The following MTPAP variants were observed in gnomAD, a reference collection of about 807,000 sequenced individuals.
MTPAP encodes the protein mitochondrial poly(A) polymerase.
MTPAP carries 23 observed loss-of-function variants against 48.7 expected under a neutral mutation model. That is an observed-to-expected ratio of 0.47 (90% CI 0.34 to 0.67). The LOEUF (loss-of-function observed/expected upper bound fraction) is 0.67, where lower values mean the gene tolerates loss of function less well. Among genes scored for constraint, MTPAP ranks in the 30% least tolerant of loss-of-function variants. The pLI is 0.01. For missense variants in MTPAP, 614 were observed against 694.3 expected (o/e 0.88, Z 1.30); for synonymous variants, 257 against 254.1 (o/e 1.01, Z -0.11).
At chr10:30,324,782 A>G (rs959333106) in intron 5 of MTPAP, among the ~76,000 whole-genome samples, 1 of 152,110 alleles carries the variant, frequency 6.6e-6, no homozygotes, top group African/African-American at 2.4e-5. Context: ...TGGGCAGATC[A>G]CCTGAGGTCC....
intron 1 of MTPAP, among the ~76,000 whole-genome samples, chr10:30,344,152 A>G (rs1245225341): frequency 6.6e-6 from 1 of 152,168 alleles, no homozygotes; most frequent in Admixed American, 6.5e-5. Context: ...GCATGGGTAT[A>G]AAGTGCTTGC....
At chr10:30,314,871 C>CAA (rs1428659923) in intron 8 of MTPAP, among the ~76,000 whole-genome samples, 1 of 52,886 alleles carries the variant, frequency 1.9e-5, no homozygotes, top group Non-Finnish European at 3.4e-5. Flanking sequence ...GACTCTGTCT[C>CAA]AAAAAACAAA....
At chr10:30,333,399 G>A (rs1339178904) in intron 4 of MTPAP, among the ~76,000 whole-genome samples, 2 of 152,178 alleles carry the variant, frequency 1.3e-5, no homozygotes, top group African/African-American at 2.4e-5. Flanking sequence ...TTGAGGCAGA[G>A]AGAAGGTAAA....
intron 5 of MTPAP, among the ~76,000 whole-genome samples, chr10:30,323,277 C>G (rs1267086767): frequency 6.7e-6 from 1 of 150,312 alleles, no homozygotes; most frequent in African/African-American, 2.4e-5. Flanking sequence ...CATGGTGAAA[C>G]CCTGTCTTAA....
chr10:30,313,433 A>C lies in MTPAP; in HGVS notation c.*176T>G. 1 of 857,002 alleles carries C rather than the reference A, an allele frequency of 1.2e-6. No homozygotes were observed. The highest frequency in any genetic ancestry group is 1.6e-5 in the South Asian group (1 of 63,314). The allele number at this position is 857,002 out of a possible 1,614,324, so 53.1% of individuals were successfully genotyped here. On this transcript the variant is annotated 3_prime_UTR_variant, in exon 9 of 9. Transcript: ENST00000263063. ...TAAAGTGCCACTGAGTATCAGACTG[A>C]TCAAACTGAAAACATCCCAGAACTT...
Position 30,322,525 on chromosome 10 carries a change from C to T in MTPAP, c.1085G>A (p.Arg362Gln), listed in dbSNP as rs781062431. The change falls in exon 6 of 9, where the codon CGA (arginine) becomes CAA (glutamine). Residue 362 changes from arginine (R) to glutamine (Q), a missense_variant. Physicochemically the swap from Arg to Gln is conservative, Grantham distance 43. Around this residue, in one of 5 missense-constraint regions of MTPAP, gnomAD observed 261 missense variants for 355.4 expected, o/e 0.73. Transcript: ENST00000263063. ...AATACTACTTGTTAGTGAATGTGCT[C>T]GAGCCCAGCACCGTACACTGAACAC... ...ALVFSVRCWA[R>Q]AHSLTSSIPG... The T allele has an allele frequency of 1.2e-6, 2 of 1,613,674 alleles. No homozygotes were observed. Among genetic ancestry groups the T allele is most frequent in the East Asian group, 2.2e-5 (1 of 44,880 alleles).
At chr10:30,321,951 T>A (rs751631437) in intron 6 of MTPAP, among the ~76,000 whole-genome samples, 1 of 152,248 alleles carries the variant, frequency 6.6e-6, no homozygotes, top group Non-Finnish European at 1.5e-5. Context: ...TAAGACTGCT[T>A]ATATGCTTTT....
intron 6 of MTPAP, among the ~76,000 whole-genome samples, chr10:30,318,889 A>G (rs542764400): frequency 6.6e-6 from 1 of 152,290 alleles, no homozygotes; most frequent in African/African-American, 2.4e-5. Context: ...AACTACAACA[A>G]TCTAACAGTT....
intron 5 of MTPAP, among the ~76,000 whole-genome samples, chr10:30,322,858 C>T (rs1210055241): frequency 6.6e-6 from 1 of 152,020 alleles, no homozygotes; most frequent in South Asian, 2.1e-4. Context: ...AAATGTAAGC[C>T]GGGCTCGGTG....
chr10:30,332,300 TC>T (rs1462119010), intron 4 of MTPAP, among the ~76,000 whole-genome samples: 3 of 152,336 alleles, frequency 2.0e-5, no homozygotes, highest in East Asian at 3.9e-4. Flanking sequence ...TCTGGTTATT[TC>T]TGTGTATGTA....
rs147919975 is a variant in MTPAP, at chr10:30,339,271, G to A, written c.555+955C>T. Reference sequence around the variant, plus strand: ...GGAGGCCGAAGTGGGCACATCACCTGAGGTCAGGAGTTCGAGACCAGCCTG... The same window carrying A: ...GGAGGCCGAAGTGGGCACATCACCTAAGGTCAGGAGTTCGAGACCAGCCTG... On this transcript the variant is annotated intron_variant, in intron 3 of 8. Coordinates refer to ENST00000263063, the MANE Select transcript of MTPAP (RefSeq NM_018109.4). Among the ~76,000 whole-genome samples the A allele has an allele frequency of 4.6e-3, 701 of 152,186 alleles. 1 individual carries two copies. Among genetic ancestry groups the A allele is most frequent in the African/African-American group, 0.015 (618 of 41,490 alleles).
intron 8 of MTPAP, among the ~76,000 whole-genome samples, chr10:30,314,884 CAAAAAAA>C (rs34249388): frequency 9.9e-5 from 11 of 110,746 alleles, no homozygotes; most frequent in Non-Finnish European, 1.8e-4. Flanking sequence ...AAAACAAAAA[CAAAAAAA>C]AAAAAAAAAA....
chr10:30,343,717 G>C (rs1271142268), intron 1 of MTPAP, among the ~76,000 whole-genome samples: 2 of 151,996 alleles, frequency 1.3e-5, no homozygotes, highest in Non-Finnish European at 2.9e-5. Flanking sequence ...ACAGGCGTGC[G>C]CCACCACGCC....
intron 1 of MTPAP, among the ~76,000 whole-genome samples, chr10:30,348,664 C>A (rs996035046): frequency 6.6e-6 from 1 of 152,128 alleles, no homozygotes; most frequent in Admixed American, 6.6e-5. Context: ...ATAGACAGAA[C>A]CCTATGTCTA....
chr10:30,313,250 G>A lies in MTPAP; in HGVS notation c.*359C>T, dbSNP rs568272068. 1.6e-5 allele frequency: 4 copies of A among 247,800 alleles called. No homozygotes were observed. Among genetic ancestry groups the A allele is most frequent in the Non-Finnish European group, 2.4e-5 (3 of 126,774 alleles). 15.4% of individuals were successfully genotyped at this position (247,800 alleles called of 1,614,324 possible). A position where few individuals can be genotyped will look rare whatever the true frequency, so the allele number is the denominator to read the frequency against. On this transcript the variant is annotated 3_prime_UTR_variant, in exon 9 of 9. Transcript: ENST00000263063. ...TACAATAATCTTTCACCCATTCCTT[G>A]TGGCTTATGTTTATTTTCATTTTTT...
intron 4 of MTPAP, among the ~76,000 whole-genome samples, chr10:30,333,389 T>C (rs1396158558): frequency 1.3e-5 from 2 of 152,162 alleles, no homozygotes; most frequent in South Asian, 2.1e-4. Context: ...GTTAGGACAA[T>C]TGAGGCAGAG....
chr10:30,337,564 G>A (rs1292780851), intron 3 of MTPAP, among the ~76,000 whole-genome samples: 4 of 152,226 alleles, frequency 2.6e-5, no homozygotes, highest in East Asian at 1.9e-4. Flanking sequence ...GCAGGACCTC[G>A]TCTCTATTTC....
Position 30,313,785 on chromosome 10 carries a change from A to T in MTPAP, c.1573T>A (p.Trp525Arg), listed in dbSNP as rs1840628839. The change falls in exon 9 of 9, where the codon TGG becomes AGG. Residue 525 changes from tryptophan to arginine, a missense_variant. By Grantham distance (101) the Trp-to-Arg change is moderately radical. Transcript: ENST00000263063. Reference protein sequence around the residue: ...DRPSISSNRPWGLVSLLLPSA... With the variant: ...DRPSISSNRPRGLVSLLLPSA... ...GGTAGCAATAGGGATACCAGCCCCC[A>T]GGGCCGATTACTTGATATGGAAGGT... 1 of 1,614,062 alleles carries T rather than the reference A, an allele frequency of 6.2e-7. No homozygotes were observed. Among genetic ancestry groups the T allele is most frequent in the African/African-American group, 1.3e-5 (1 of 74,936 alleles).
chr10:30,311,190 T>C lies in MTPAP; in HGVS notation c.*2419A>G, dbSNP rs1281258063. On this transcript the variant is annotated 3_prime_UTR_variant, in exon 9 of 9. Coordinates refer to ENST00000263063, the MANE Select transcript of MTPAP (RefSeq NM_018109.4). ...AGCTTTTTAAATCAATATGGATTTC[T>C]AGCCCAACAAAATAAAGAACAAATG... The C allele has an allele frequency of 6.6e-6, 1 of 152,198 alleles. No homozygotes were observed. Among genetic ancestry groups the C allele is most frequent in the Non-Finnish European group, 1.5e-5 (1 of 68,024 alleles). 9.4% of individuals were successfully genotyped at this position (152,198 alleles called of 1,614,324 possible). A position where few individuals can be genotyped will look rare whatever the true frequency, so the allele number is the denominator to read the frequency against.
Sources: gnomAD v4.1 joint callset for allele counts (sites outside exome capture counted in the v4.1 genomes callset) on GRCh38, gnomAD v4.1.1 for gene constraint, gnomAD v4.1.1 regional missense constraint, MANE v1.5 for transcripts, NCBI Gene and HGNC (gene_info 2026-07-23, HGNC 2026-07-21) for gene names.